The following ZNF808 variants were observed in gnomAD, a reference collection of about 807,000 sequenced individuals.
ZNF808 encodes zinc finger protein 808.
Under a neutral mutation model 8.7 loss-of-function variants are expected in ZNF808, and 5 were observed. The ratio of observed to expected loss-of-function variants is 0.58; its 90% CI spans 0.30 to 1.21. ZNF808 has a LOEUF of 1.21. Among genes scored for constraint, ZNF808 ranks in the 50% most tolerant of loss-of-function variants. ZNF808 has a pLI of 0.07. For synonymous variants in ZNF808, 380 were observed against 366.0 expected (o/e 1.04, Z -0.44); for missense variants, 1,103 against 1,098.4 (o/e 1.00, Z -0.06).
At chr19:52,561,198 CTCTCTCTCTCTCTCTATA>C (rs1423038603), downstream of ZNF808, among the ~76,000 whole-genome samples, 1,275 of 52,730 alleles carry the variant, frequency 0.024, 11 homozygotes, top group South Asian at 0.031. Flanking sequence ...CTCTCTCTCT[CTCTCTCTCTCTCTCTATA>C]TATATATATA....
chr19:52,541,178 C>T (rs1449321187), intron 2 of ZNF808, among the ~76,000 whole-genome samples: 4 of 151,122 alleles, frequency 2.6e-5, no homozygotes, highest in African/African-American at 9.7e-5. Flanking sequence ...TCTTGAACTC[C>T]TGACTTTGTG....
chr19:52,529,812 T>C (rs1364086761), intron 1 of ZNF808, among the ~76,000 whole-genome samples: 1 of 151,866 alleles, frequency 6.6e-6, no homozygotes, highest in African/African-American at 2.4e-5. Flanking sequence ...CCTCTACCTC[T>C]TGGACTCAAG....
At chr19:52,549,653 C>T (rs2059756206) in intron 4 of ZNF808, among the ~76,000 whole-genome samples, 1 of 151,654 alleles carries the variant, frequency 6.6e-6, no homozygotes, top group East Asian at 1.9e-4. Context: ...CACAGAGGTG[C>T]ATGCACAAAG....
At chr19:52,562,675 A>G (rs1456954931) in intron 3 of ZNF808, among the ~76,000 whole-genome samples, 1 of 152,246 alleles carries the variant, frequency 6.6e-6, no homozygotes, top group African/African-American at 2.4e-5. Context: ...AGTGAACTAC[A>G]TAACTAAGGG....
chr19:52,548,815 C>T (rs1198749926), intron 4 of ZNF808, among the ~76,000 whole-genome samples: 2 of 152,032 alleles, frequency 1.3e-5, no homozygotes, highest in Non-Finnish European at 2.9e-5. Flanking sequence ...CACATCTTTA[C>T]TATTATAAAT....
At chr19:52,565,132 C>T (rs1038361326), downstream of ZNF808, among the ~76,000 whole-genome samples, 3 of 151,876 alleles carry the variant, frequency 2.0e-5, no homozygotes, top group Non-Finnish European at 4.4e-5. Flanking sequence ...CAAAATTAGG[C>T]GGGCATGGTG....
rs1291407633 is a variant in ZNF808 at position 52,543,193 on chromosome 19, G to C, written c.-19-73G>C. The C allele has an allele frequency of 1.2e-5, 18 of 1,494,112 alleles. No homozygotes were observed. In the Admixed American group the frequency reaches 1.3e-4, roughly 11 times the overall value. 92.6% of individuals were successfully genotyped at this position (1,494,112 alleles called of 1,614,324 possible). The stretch of plus-strand genomic sequence containing the variant: ...TTCTTTCTACAGGGTGACATCTCCC[G>C]GTTCATGTGGTTTTGTCACAGGAAG... On this transcript the variant is annotated intron_variant, in intron 2 of 4. Coordinates refer to ENST00000359798, the MANE Select transcript of ZNF808 (RefSeq NM_001039886.4).
downstream of ZNF808, among the ~76,000 whole-genome samples, chr19:52,567,113 G>A (rs764899095): frequency 4.0e-5 from 6 of 151,878 alleles, no homozygotes; most frequent in Non-Finnish European, 8.8e-5. Context: ...CACCACCCCC[G>A]GCTAATCGTT....
intron 2 of ZNF808, among the ~76,000 whole-genome samples, chr19:52,540,248 G>A (rs185175808): frequency 6.6e-6 from 1 of 152,198 alleles, no homozygotes; most frequent in East Asian, 1.9e-4. Context: ...CTAACATTGT[G>A]GTCTTCCTGC....
intron 2 of ZNF808, among the ~76,000 whole-genome samples, chr19:52,537,458 A>G (rs2059624606): frequency 6.6e-6 from 1 of 152,176 alleles, no homozygotes; most frequent in South Asian, 2.1e-4. Flanking sequence ...AGACTGAGGC[A>G]GAGGGATTGC....
chr19:52,559,324 G>A (rs916803333), downstream of ZNF808, among the ~76,000 whole-genome samples: 1 of 152,184 alleles, frequency 6.6e-6, no homozygotes. Flanking sequence ...AAGGCATTGA[G>A]ATGTTTATGT....
At chr19:52,564,137 G>A (rs954267706) in exon 4 of ZNF808, 12 of 695,718 alleles carry the variant, frequency 1.7e-5, no homozygotes, top group Middle Eastern at 3.0e-4. Flanking sequence ...AAGTAAAATC[G>A]TCCGATTTCC....
In ZNF808 at chr19:52,555,189, G is replaced by C. The variant is rs1174000254; in HGVS notation, c.2273G>C (p.Ser758Thr). 1 of 1,613,818 alleles carries C rather than the reference G, an allele frequency of 6.2e-7. No homozygotes were observed. Among genetic ancestry groups the C allele is most frequent in the Non-Finnish European group, 8.5e-7 (1 of 1,179,990 alleles). The change falls in exon 5 of 5, where the codon AGT becomes ACT. Residue 758 changes from serine to threonine, a missense_variant. By Grantham distance (58) the Ser-to-Thr change is moderately conservative. Transcript: ENST00000359798. ...CTTCTATGCCATCGTAGACTTCATA[G>C]TGGTGAGAAACCTTACAAGTGTAAC... ...ATLLCHRRLH[S>T]GEKPYKCNDC...
chr19:52,537,055 A>G (rs1400618162), intron 2 of ZNF808, among the ~76,000 whole-genome samples: 1 of 152,092 alleles, frequency 6.6e-6, no homozygotes, highest in Non-Finnish European at 1.5e-5. Context: ...GCGCGGTTGC[A>G]TATGCCTGTA....
intron 4 of ZNF808, among the ~76,000 whole-genome samples, chr19:52,548,454 G>A (rs117502944): frequency 0.017 from 2,518 of 152,086 alleles, 26 homozygotes; most frequent in Middle Eastern, 0.027. Context: ...TCATAGTCTT[G>A]CTCTGTTGCC....
At chr19:52,546,710 C>G (rs2059724752) in intron 3 of ZNF808, among the ~76,000 whole-genome samples, 1 of 133,918 alleles carries the variant, frequency 7.5e-6, no homozygotes, top group Admixed American at 8.3e-5. Flanking sequence ...GTGGTGCGAT[C>G]TCGGCTCACT....
chr19:52,559,857 G>C (rs1183094409), downstream of ZNF808, among the ~76,000 whole-genome samples: 2 of 152,128 alleles, frequency 1.3e-5, no homozygotes, highest in East Asian at 3.9e-4. Context: ...CTCTCGAGTA[G>C]CTGGGATTAG....
chr19:52,557,019 A>G (rs1228819366), downstream of ZNF808, among the ~76,000 whole-genome samples: 1 of 152,004 alleles, frequency 6.6e-6, no homozygotes, highest in Non-Finnish European at 1.5e-5. Flanking sequence ...GTCGCCTTGG[A>G]TGGAGTGCAG....
intron 3 of ZNF808, among the ~76,000 whole-genome samples, chr19:52,547,135 A>G (rs1398412726): frequency 6.6e-6 from 1 of 151,698 alleles, no homozygotes; most frequent in Non-Finnish European, 1.5e-5. Context: ...TTTAGTAGAG[A>G]CAGGTTTTCA....
Sources: allele counts gnomAD v4.1 joint callset (sites outside exome capture counted in the v4.1 genomes callset), GRCh38; gene constraint gnomAD v4.1.1; transcripts MANE v1.5; gene names NCBI Gene and HGNC (gene_info 2026-07-23, HGNC 2026-07-21).